The following ST3GAL3 variants were observed in gnomAD, a reference collection of about 807,000 sequenced individuals.
ST3GAL3 encodes the protein CMP-N-acetylneuraminate-beta-1,4-galactoside alpha-2,3-sialyltransferase.
A neutral mutation model predicts 50.1 loss-of-function variants in ST3GAL3; 21 were observed. The ratio of observed to expected loss-of-function variants is 0.42; its 90% CI spans 0.30 to 0.60. The LOEUF (loss-of-function observed/expected upper bound fraction) is 0.60, where lower values mean the gene tolerates loss of function less well. ST3GAL3 is among the 20% of genes least tolerant of loss of function. The pLI, the probability that ST3GAL3 is intolerant of heterozygous loss-of-function variation, is 0.19. For missense variants in ST3GAL3, 353 were observed against 489.4 expected (o/e 0.72, Z 2.63); for synonymous variants, 183 against 190.0 (o/e 0.96, Z 0.30).
At chr1:43,844,004 T>A (rs1242693225) in intron 5 of ST3GAL3, among the ~76,000 whole-genome samples, 1 of 152,238 alleles carries the variant, frequency 6.6e-6, no homozygotes, top group Non-Finnish European at 1.5e-5. Context: ...CTCTTGGGTT[T>A]GATCTGTTTG....
At chr1:43,802,534 C>T (rs1198762325) in intron 3 of ST3GAL3, among the ~76,000 whole-genome samples, 1 of 152,236 alleles carries the variant, frequency 6.6e-6, no homozygotes, top group Non-Finnish European at 1.5e-5. Context: ...ATTCAATGCA[C>T]ATAAGCAGCG....
intron 5 of ST3GAL3, among the ~76,000 whole-genome samples, chr1:43,870,101 A>C (rs1419938128): frequency 6.6e-6 from 1 of 152,212 alleles, no homozygotes; most frequent in Non-Finnish European, 1.5e-5. Flanking sequence ...AGAGGCTCAA[A>C]CATGGCTCAC....
At chr1:43,873,142 G>A (rs2073350703) in intron 5 of ST3GAL3, among the ~76,000 whole-genome samples, 1 of 152,204 alleles carries the variant, frequency 6.6e-6, no homozygotes, top group Non-Finnish European at 1.5e-5. Context: ...GATGAGAATA[G>A]ACTGTTGCAA....
At chr1:43,709,804 G>A (rs1258346994) in intron 1 of ST3GAL3, among the ~76,000 whole-genome samples, 3 of 152,134 alleles carry the variant, frequency 2.0e-5, no homozygotes, top group South Asian at 4.2e-4. Context: ...CCGAGATCGC[G>A]CCAGTGCACT....
chr1:43,837,417 G>A (rs985172148), intron 4 of ST3GAL3, among the ~76,000 whole-genome samples: 4 of 152,182 alleles, frequency 2.6e-5, no homozygotes, highest in Admixed American at 1.3e-4. Flanking sequence ...ATAATTTATC[G>A]TGTCTATATT....
chr1:43,840,966 A>C (rs2065273511), intron 5 of ST3GAL3: 1 of 152,284 alleles, frequency 6.6e-6, no homozygotes, highest in Admixed American at 6.5e-5. Context: ...AAGGGGCTAT[A>C]CGCCCCATGC....
intron 2 of ST3GAL3, among the ~76,000 whole-genome samples, chr1:43,761,734 A>G (rs1193421973): frequency 6.8e-6 from 1 of 146,298 alleles, no homozygotes; most frequent in Non-Finnish European, 1.5e-5. Context: ...GCGGATCACG[A>G]GGTCAGGAGA....
intron 11 of ST3GAL3, among the ~76,000 whole-genome samples, chr1:43,929,537 G>A (rs1377374991): frequency 2.0e-5 from 3 of 152,104 alleles, no homozygotes; most frequent in Non-Finnish European, 4.4e-5. Flanking sequence ...TCCTGACCTC[G>A]TGATCCACCC....
intron 2 of ST3GAL3, among the ~76,000 whole-genome samples, chr1:43,756,987 CT>C (rs1489796594): frequency 6.6e-5 from 10 of 152,166 alleles, no homozygotes; most frequent in African/African-American, 2.4e-4. Flanking sequence ...TCACTGCAAC[CT>C]CTGCCTCCCG....
intron 2 of ST3GAL3, among the ~76,000 whole-genome samples, chr1:43,787,093 C>T (rs2057441201): frequency 6.6e-6 from 1 of 152,214 alleles, no homozygotes; most frequent in African/African-American, 2.4e-5. Context: ...CAGGAAACAT[C>T]TGACTATAAT....
At chr1:43,869,999 G>A (rs747588207) in intron 5 of ST3GAL3, among the ~76,000 whole-genome samples, 3 of 152,118 alleles carry the variant, frequency 2.0e-5, no homozygotes, top group Admixed American at 6.5e-5. Context: ...GTTATGGTCC[G>A]CATGTGGTAT....
intron 5 of ST3GAL3, among the ~76,000 whole-genome samples, chr1:43,867,327 A>G (rs1028427173): frequency 6.6e-6 from 1 of 152,206 alleles, no homozygotes; most frequent in Non-Finnish European, 1.5e-5. Flanking sequence ...TGGAGGTGCC[A>G]TTGGTTGAGG....
At chr1:43,765,772 TGTGTGTGTGTGTGCGCGC>T (rs1692449123) in intron 2 of ST3GAL3, among the ~76,000 whole-genome samples, 2 of 125,772 alleles carry the variant, frequency 1.6e-5, no homozygotes, top group Non-Finnish European at 1.7e-5. Context: ...TGTGTGTGTG[TGTGTGTGTGTGTGCGCGC>T]GCGCGCGCGC....
intron 1 of ST3GAL3, among the ~76,000 whole-genome samples, chr1:43,726,907 C>G (rs561504713): frequency 1.3e-5 from 2 of 152,250 alleles, no homozygotes; most frequent in South Asian, 4.1e-4. Flanking sequence ...TATCCCATTT[C>G]TTGTAAAACT....
intron 1 of ST3GAL3, among the ~76,000 whole-genome samples, chr1:43,735,253 G>A (rs1307842713): frequency 1.3e-5 from 2 of 152,116 alleles, no homozygotes; most frequent in South Asian, 4.1e-4. Context: ...TTTGTTACTC[G>A]ACATGGCACA....
At chr1:43,828,624 A>G (rs559249721) in intron 4 of ST3GAL3, among the ~76,000 whole-genome samples, 4 of 152,358 alleles carry the variant, frequency 2.6e-5, no homozygotes, top group Admixed American at 6.5e-5. Flanking sequence ...GTCAAAAAAG[A>G]TATGCAGATG....
chr1:43,865,897 G>C (rs1452649868), intron 5 of ST3GAL3, among the ~76,000 whole-genome samples: 1 of 152,164 alleles, frequency 6.6e-6, no homozygotes, highest in Non-Finnish European at 1.5e-5. Context: ...TTTGTTTTTG[G>C]CACGGATTGG....
chr1:43,792,543 G>A (rs2058205186), intron 3 of ST3GAL3, among the ~76,000 whole-genome samples: 1 of 152,196 alleles, frequency 6.6e-6, no homozygotes, highest in African/African-American at 2.4e-5. Flanking sequence ...CTGGGCTGGT[G>A]GGAGCATCCC....
intron 6 of ST3GAL3, among the ~76,000 whole-genome samples, chr1:43,897,989 G>T (rs946839778): frequency 6.6e-6 from 1 of 152,190 alleles, no homozygotes; most frequent in Non-Finnish European, 1.5e-5. Flanking sequence ...GCCTGGGAGA[G>T]AAGCTGCGTG....
Sources: allele counts gnomAD v4.1 joint callset (sites outside exome capture counted in the v4.1 genomes callset), GRCh38; gene constraint gnomAD v4.1.1; transcripts MANE v1.5; gene names NCBI Gene and HGNC (gene_info 2026-07-23, HGNC 2026-07-21).